ADCY2: variants seen among roughly 807,000 people sequenced by gnomAD.
ADCY2 encodes adenylate cyclase 2, also known as adenylate cyclase type 2.
In ADCY2, 31 loss-of-function variants were observed where a neutral mutation model predicts 125.2. That is an observed-to-expected ratio of 0.25 (90% CI 0.19 to 0.33). The LOEUF is 0.33. ADCY2 is among the 10% of genes least tolerant of loss of function. The pLI is 1.00. For missense variants in ADCY2, 904 were observed against 1,418.2 expected (o/e 0.64, Z 5.82); for synonymous variants, 512 against 548.4 (o/e 0.93, Z 0.93).
intron 2 of ADCY2, among the ~76,000 whole-genome samples, chr5:7,480,969 T>G (rs1742707630): frequency 1.3e-5 from 2 of 152,186 alleles, no homozygotes; most frequent in Non-Finnish European, 2.9e-5. Flanking sequence ...CTCTTTGGCA[T>G]GCCAATTTTC....
intron 15 of ADCY2, chr5:7,746,151 C>G (rs1727630874): frequency 6.6e-6 from 1 of 152,450 alleles, no homozygotes; most frequent in Non-Finnish European, 1.5e-5. Context: ...TTCTTTTTGA[C>G]TCCGTGGTAT....
intron 5 of ADCY2, among the ~76,000 whole-genome samples, chr5:7,694,470 G>A (rs1579324109): frequency 1.3e-5 from 2 of 152,160 alleles, no homozygotes; most frequent in Non-Finnish European, 1.5e-5. Flanking sequence ...CCAGGAAACC[G>A]CCATTCTAGT....
At chr5:7,488,299 A>C (rs1198074202) in intron 2 of ADCY2, among the ~76,000 whole-genome samples, 1 of 152,092 alleles carries the variant, frequency 6.6e-6, no homozygotes, top group Non-Finnish European at 1.5e-5. Flanking sequence ...TTCCACCATG[A>C]TTGTGAGGCC....
intron 2 of ADCY2, among the ~76,000 whole-genome samples, chr5:7,424,276 G>A (rs1371672317): frequency 6.6e-6 from 1 of 152,196 alleles, no homozygotes; most frequent in African/African-American, 2.4e-5. Flanking sequence ...GCACCATGTG[G>A]TTACTTTGCA....
At chr5:7,693,074 A>G (rs549460534) in intron 5 of ADCY2, among the ~76,000 whole-genome samples, 1 of 152,266 alleles carries the variant, frequency 6.6e-6, no homozygotes, top group Admixed American at 6.5e-5. Flanking sequence ...CAGAAACAGG[A>G]TCTTCATTTT....
chr5:7,817,030 A>G (rs1420557159), intron 23 of ADCY2, 50 bp downstream of exon 23: 2 of 1,396,596 alleles, frequency 1.4e-6, no homozygotes. Context: ...AAGATGTGGA[A>G]TAAGGAGTAA....
intron 2 of ADCY2, among the ~76,000 whole-genome samples, chr5:7,473,855 T>C (rs1247617876): frequency 6.6e-6 from 1 of 152,226 alleles, no homozygotes. Flanking sequence ...AGGAATGTGC[T>C]CTTCTTACAT....
intron 12 of ADCY2, among the ~76,000 whole-genome samples, chr5:7,723,031 C>T (rs1307661077): frequency 6.7e-6 from 1 of 149,388 alleles, no homozygotes; most frequent in Non-Finnish European, 1.5e-5. Context: ...GGCCATTATC[C>T]TCAGCAAACA....
chr5:7,764,483 A>C (rs1743323345), intron 16 of ADCY2, among the ~76,000 whole-genome samples: 1 of 152,208 alleles, frequency 6.6e-6, no homozygotes, highest in East Asian at 1.9e-4. Flanking sequence ...ATTCCAACCA[A>C]ATGACAAACA....
chr5:7,618,796 G>T (rs1440557077), intron 3 of ADCY2, among the ~76,000 whole-genome samples: 1 of 152,222 alleles, frequency 6.6e-6, no homozygotes, highest in Non-Finnish European at 1.5e-5. Context: ...GAAATCACCA[G>T]AACCAGGCAA....
chr5:7,546,917 C>T (rs1283763030), intron 3 of ADCY2, among the ~76,000 whole-genome samples: 2 of 152,182 alleles, frequency 1.3e-5, no homozygotes, highest in Non-Finnish European at 2.9e-5. Context: ...AGGCAAGTCC[C>T]CATGTTCCTT....
At chr5:7,736,633 C>T (rs2126418816) in intron 14 of ADCY2, among the ~76,000 whole-genome samples, 1 of 152,226 alleles carries the variant, frequency 6.6e-6, no homozygotes, top group East Asian at 1.9e-4. Flanking sequence ...GGAAGAGTCA[C>T]ATTTTAATAC....
At chr5:7,793,223 C>T (rs1040734463) in intron 20 of ADCY2, among the ~76,000 whole-genome samples, 11 of 152,204 alleles carry the variant, frequency 7.2e-5, no homozygotes, top group East Asian at 3.9e-4. Context: ...CCAAGGCAAG[C>T]GGATCATGAG....
intron 2 of ADCY2, among the ~76,000 whole-genome samples, chr5:7,446,179 G>A (rs1741242579): frequency 6.6e-6 from 1 of 152,046 alleles, no homozygotes; most frequent in Non-Finnish European, 1.5e-5. Flanking sequence ...TCTTTTACTG[G>A]ATGTTTTTAT....
chr5:7,531,805 A>C (rs991063323), intron 3 of ADCY2, among the ~76,000 whole-genome samples: 2 of 152,216 alleles, frequency 1.3e-5, no homozygotes, highest in African/African-American at 4.8e-5. Flanking sequence ...TATTTCTGCA[A>C]AGACCTTATT....
intron 3 of ADCY2, among the ~76,000 whole-genome samples, chr5:7,607,642 G>T (rs1022423609): frequency 6.6e-6 from 1 of 152,154 alleles, no homozygotes; most frequent in Non-Finnish European, 1.5e-5. Context: ...TACAATCAAT[G>T]ACATGATTTA....
At chr5:7,617,937 A>G (rs906759180) in intron 3 of ADCY2, among the ~76,000 whole-genome samples, 1 of 152,198 alleles carries the variant, frequency 6.6e-6, no homozygotes, top group African/African-American at 2.4e-5. Context: ...TCCCCTTCCC[A>G]AATGGTTTCA....
chr5:7,751,276 C>T (rs140228793), intron 15 of ADCY2, among the ~76,000 whole-genome samples: 16 of 152,244 alleles, frequency 1.1e-4, no homozygotes, highest in Admixed American at 6.5e-4. Flanking sequence ...AATTTAGAAG[C>T]TATTTCAGGT....
At chr5:7,642,891 G>C (rs892039874) in intron 4 of ADCY2, among the ~76,000 whole-genome samples, 5 of 152,040 alleles carry the variant, frequency 3.3e-5, no homozygotes, top group Non-Finnish European at 7.4e-5. Context: ...ATATTTTCCA[G>C]ACAAGCAGGC....
Sources: allele counts gnomAD v4.1 joint callset (sites outside exome capture counted in the v4.1 genomes callset), GRCh38; gene constraint gnomAD v4.1.1; transcripts MANE v1.5; gene names NCBI Gene and HGNC (gene_info 2026-07-23, HGNC 2026-07-21).